Variants in PPHLN1 observed in about 807,000 individuals in gnomAD.
The protein encoded by PPHLN1 is periphilin-1.
A neutral mutation model predicts 51.3 loss-of-function variants in PPHLN1; 29 were observed. That is an observed-to-expected ratio of 0.57 (90% CI 0.42 to 0.77). PPHLN1 has a LOEUF of 0.77. Ranked by LOEUF, PPHLN1 falls within the 30% of genes least tolerant of loss-of-function variation. The pLI, the probability that PPHLN1 is intolerant of heterozygous loss-of-function variation, is 0.00. For missense variants in PPHLN1, 436 were observed against 438.4 expected, an observed-to-expected ratio of 0.99 and a Z score of 0.05; for synonymous variants, 147 against 147.8, an observed-to-expected ratio of 0.99 and a Z score of 0.04.
chr12:42,340,411 A>G (rs967610359), intron 2 of PPHLN1, among the ~76,000 whole-genome samples: 3 of 152,230 alleles, frequency 2.0e-5, no homozygotes, highest in African/African-American at 7.2e-5. Flanking sequence ...GAGAAAGTTC[A>G]TAAGAAGCAT....
intron 2 of PPHLN1, among the ~76,000 whole-genome samples, chr12:42,351,103 C>T (rs1257164916): frequency 2.0e-5 from 3 of 151,068 alleles, no homozygotes. Context: ...TTTTTTTTAA[C>T]ATATATCTCA....
intron 9 of PPHLN1, among the ~76,000 whole-genome samples, chr12:42,433,536 G>C (rs1446170882): frequency 6.6e-6 from 1 of 152,146 alleles, no homozygotes; most frequent in Non-Finnish European, 1.5e-5. Context: ...TGTTAGCCAG[G>C]ATGGTCTCGA....
chr12:42,369,567 T>C (rs551727369), intron 4 of PPHLN1, among the ~76,000 whole-genome samples: 2 of 152,192 alleles, frequency 1.3e-5, no homozygotes, highest in African/African-American at 4.8e-5. Flanking sequence ...TAACATATAT[T>C]ATTTTGTTTA....
chr12:42,392,976 GTCA>G (rs1433974614), intron 7 of PPHLN1, among the ~76,000 whole-genome samples: 3 of 152,158 alleles, frequency 2.0e-5, no homozygotes, highest in Non-Finnish European at 2.9e-5. Flanking sequence ...TACCTAGCAA[GTCA>G]TTAAACTGCG....
At chr12:42,409,724 C>G (rs1031127976) in intron 9 of PPHLN1, among the ~76,000 whole-genome samples, 1 of 151,944 alleles carries the variant, frequency 6.6e-6, no homozygotes, top group Non-Finnish European at 1.5e-5. Context: ...CTGAACGTAT[C>G]CACTCCATTG....
At chr12:42,379,938 C>G (rs2076620156) in intron 5 of PPHLN1, among the ~76,000 whole-genome samples, 1 of 152,018 alleles carries the variant, frequency 6.6e-6, no homozygotes, top group Non-Finnish European at 1.5e-5. Context: ...ATCTGTTAAC[C>G]TGAACCTTTT....
At chr12:42,405,885 T>C (rs2079247295) in intron 9 of PPHLN1, among the ~76,000 whole-genome samples, 2 of 152,168 alleles carry the variant, frequency 1.3e-5, no homozygotes, top group African/African-American at 4.8e-5. Flanking sequence ...TAGTGATGTA[T>C]GTAATACAGA....
chr12:42,367,257 C>T (rs971202172), intron 4 of PPHLN1, among the ~76,000 whole-genome samples: 1 of 152,150 alleles, frequency 6.6e-6, no homozygotes, highest in African/African-American at 2.4e-5. Flanking sequence ...TATACAGCTA[C>T]TATGAATAAT....
At chr12:42,364,620 T>C (rs1181906414) in intron 4 of PPHLN1, among the ~76,000 whole-genome samples, 1 of 152,020 alleles carries the variant, frequency 6.6e-6, no homozygotes, top group Admixed American at 6.6e-5. Flanking sequence ...TGAGACTCTG[T>C]CTCAAAAAAT....
intron 8 of PPHLN1, among the ~76,000 whole-genome samples, chr12:42,395,573 G>A (rs1004126826): frequency 2.0e-5 from 3 of 151,996 alleles, no homozygotes; most frequent in Admixed American, 6.6e-5. Flanking sequence ...TCAGTGGTCC[G>A]TGCTTTTTGA....
intron 7 of PPHLN1, 27 bp downstream of exon 7, chr12:42,387,562 AAAG>A (rs779089561): frequency 1.9e-6 from 3 of 1,604,812 alleles, no homozygotes; most frequent in African/African-American, 1.3e-5. Context: ...AAATCAGTTT[AAAG>A]AAGAATTACA....
At chr12:42,329,102 T>TA (rs2069249292) in intron 1 of PPHLN1, among the ~76,000 whole-genome samples, 3 of 144,000 alleles carry the variant, frequency 2.1e-5, no homozygotes, top group African/African-American at 8.0e-5. Flanking sequence ...CAATTTTTTT[T>TA]TTTTTTTGTG....
At chr12:42,424,800 T>C (rs2081283295) in intron 9 of PPHLN1, among the ~76,000 whole-genome samples, 1 of 152,190 alleles carries the variant, frequency 6.6e-6, no homozygotes, top group African/African-American at 2.4e-5. Flanking sequence ...TTTCTTGGGC[T>C]GAAAAGTCAC....
downstream of PPHLN1, chr12:42,445,350 T>G (rs1156725069): frequency 1.9e-6 from 1 of 524,912 alleles, no homozygotes; most frequent in Non-Finnish European, 3.4e-6. Flanking sequence ...ATGCCCAGAT[T>G]GCCAGCTCAC....
intron 6 of PPHLN1, among the ~76,000 whole-genome samples, chr12:42,386,390 C>T (rs2077193793): frequency 6.6e-6 from 1 of 152,224 alleles, no homozygotes; most frequent in African/African-American, 2.4e-5. Flanking sequence ...GTGTTATTCA[C>T]CACTTTCCTA....
chr12:42,414,856 G>T (rs1479890789), intron 9 of PPHLN1, among the ~76,000 whole-genome samples: 1 of 152,000 alleles, frequency 6.6e-6, no homozygotes, highest in Non-Finnish European at 1.5e-5. Context: ...AGTTCAATTT[G>T]GTTTTCTTTG....
At chr12:42,446,192 C>T (rs765881432), downstream of PPHLN1, 2 of 1,612,016 alleles carry the variant, frequency 1.2e-6, no homozygotes, top group Admixed American at 1.7e-5. Flanking sequence ...GAAGACAACT[C>T]AGGAGGCTGA....
chr12:42,420,508 G>A (rs187601743), intron 9 of PPHLN1, among the ~76,000 whole-genome samples: 6 of 148,722 alleles, frequency 4.0e-5, no homozygotes, highest in Non-Finnish European at 7.4e-5. Context: ...TCACTTTCTT[G>A]CGCAGGCTAG....
chr12:42,446,906 C>T (rs1039683952), downstream of PPHLN1: 2 of 371,236 alleles, frequency 5.4e-6, no homozygotes, highest in East Asian at 3.9e-5. Context: ...TTATGCCCTC[C>T]GGAAATCATG....
Sources: allele counts gnomAD v4.1 joint callset (sites outside exome capture counted in the v4.1 genomes callset), GRCh38; gene constraint gnomAD v4.1.1; transcripts MANE v1.5; gene names NCBI Gene and HGNC (gene_info 2026-07-23, HGNC 2026-07-21).